Variants in PBRM1 observed in about 807,000 individuals in gnomAD.
The protein encoded by PBRM1 is protein polybromo-1.
Under a neutral mutation model 194.5 loss-of-function variants are expected in PBRM1, and 27 were observed. The ratio of observed to expected loss-of-function variants is 0.14; its 90% CI spans 0.10 to 0.19. PBRM1 has a LOEUF of 0.19. Ranked by LOEUF, PBRM1 falls within the 10% of genes least tolerant of loss-of-function variation. The pLI, the probability that PBRM1 is intolerant of heterozygous loss-of-function variation, is 1.00. For synonymous variants in PBRM1, 655 were observed against 693.2 expected (o/e 0.94, Z 0.87); for missense variants, 1,466 against 2,077.2 (o/e 0.71, Z 5.72).
At chr3:52,553,792 G>T (rs1473728889) in intron 27 of PBRM1, among the ~76,000 whole-genome samples, 1 of 151,650 alleles carries the variant, frequency 6.6e-6, no homozygotes, top group East Asian at 1.9e-4. Context: ...CTCTCGAGTA[G>T]CTGGGACTAC....
At chr3:52,675,559 G>GA (rs1433100111) in intron 2 of PBRM1, among the ~76,000 whole-genome samples, 1 of 152,226 alleles carries the variant, frequency 6.6e-6, no homozygotes, top group Non-Finnish European at 1.5e-5. Flanking sequence ...TTGAAGTGGT[G>GA]AAAGTGGGCA....
intron 22 of PBRM1, among the ~76,000 whole-genome samples, chr3:52,571,468 TACAA>T: frequency 6.8e-6 from 1 of 147,180 alleles, no homozygotes; most frequent in East Asian, 2.0e-4. Flanking sequence ...TCTACTAAAA[TACAA>T]ACAATTATCC....
intron 2 of PBRM1, among the ~76,000 whole-genome samples, chr3:52,674,892 C>T (rs1270346915): frequency 7.3e-5 from 11 of 150,524 alleles, no homozygotes; most frequent in Non-Finnish European, 1.0e-4. Context: ...TGCTTGAGTC[C>T]GGGAGGTTGA....
chr3:52,639,995 G>C (rs1445438561), intron 10 of PBRM1, among the ~76,000 whole-genome samples: 2 of 152,146 alleles, frequency 1.3e-5, no homozygotes, highest in South Asian at 2.1e-4. Context: ...TGAGAGAAGA[G>C]GGCTTCCAGA....
chr3:52,546,510 A>G (rs570526599), downstream of PBRM1: 5 of 229,860 alleles, frequency 2.2e-5, no homozygotes, highest in South Asian at 7.3e-4. Context: ...TTTCCATTCT[A>G]CACTCTTTTG....
intron 20 of PBRM1, among the ~76,000 whole-genome samples, chr3:52,584,784 C>G (rs2092098007): frequency 6.6e-6 from 1 of 152,106 alleles, no homozygotes; most frequent in Non-Finnish European, 1.5e-5. Context: ...AATATTTTTA[C>G]TGCTTTTGTT....
chr3:52,606,769 C>T (rs923154404), intron 16 of PBRM1, among the ~76,000 whole-genome samples: 16 of 152,288 alleles, frequency 1.1e-4, no homozygotes, highest in African/African-American at 3.4e-4. Flanking sequence ...GTTCATCTTC[C>T]CACAGGTCTC....
intron 2 of PBRM1, among the ~76,000 whole-genome samples, chr3:52,675,933 G>A (rs370312667): frequency 1.6e-5 from 1 of 61,494 alleles, no homozygotes. Context: ...GGCTAAAATG[G>A]TGAAACCCCG....
intron 17 of PBRM1, among the ~76,000 whole-genome samples, chr3:52,595,496 T>G (rs1368924644): frequency 6.6e-6 from 1 of 152,260 alleles, no homozygotes; most frequent in African/African-American, 2.4e-5. Flanking sequence ...AAATGTATAT[T>G]CAGGTCTTTC....
chr3:52,554,622 T>A, intron 27 of PBRM1, 102 bp downstream of exon 29: 2 of 1,008,888 alleles, frequency 2.0e-6, no homozygotes, highest in Non-Finnish European at 2.8e-6. Flanking sequence ...AGGGAAGGCC[T>A]GGCCACAATG....
intron 6 of PBRM1, among the ~76,000 whole-genome samples, chr3:52,649,333 T>C (rs2096423634): frequency 1.3e-5 from 2 of 152,104 alleles, no homozygotes; most frequent in Non-Finnish European, 2.9e-5. Context: ...CAAGGGGAAA[T>C]AACCACAGGT....
chr3:52,589,236 A>G (rs541331897), exon 18 of PBRM1: 2 of 1,541,240 alleles, frequency 1.3e-6, no homozygotes, highest in South Asian at 2.5e-5. Context: ...CACCAGAGGA[A>G]TCTTCACTCT....
intron 15 of PBRM1, among the ~76,000 whole-genome samples, chr3:52,614,901 C>T (rs1292144806): frequency 1.3e-5 from 2 of 152,112 alleles, no homozygotes; most frequent in Non-Finnish European, 2.9e-5. Context: ...AAACAACCAA[C>T]CACAGACTAC....
At chr3:52,601,523 G>A (rs941152000) in intron 17 of PBRM1, among the ~76,000 whole-genome samples, 5 of 152,114 alleles carry the variant, frequency 3.3e-5, no homozygotes, top group Non-Finnish European at 7.3e-5. Context: ...GCGGAGCTCA[G>A]GGGGTAATGT....
intron 15 of PBRM1, among the ~76,000 whole-genome samples, chr3:52,612,135 C>T (rs921742638): frequency 2.0e-5 from 3 of 151,586 alleles, no homozygotes; most frequent in African/African-American, 7.3e-5. Context: ...TGGTGCACAC[C>T]TGTAGTCCCA....
chr3:52,678,673 T>C (rs1418935685), intron 1 of PBRM1, 76 bp from the exon 3 acceptor site: 5 of 869,038 alleles, frequency 5.8e-6, no homozygotes, highest in Non-Finnish European at 7.4e-6. Flanking sequence ...AATTATTTTC[T>C]ACTCTTCAAT....
At position 52,609,918 on chromosome 3, in the gene PBRM1, G is replaced by A. The variant is rs1216813697; in HGVS notation, c.1962C>T (p.Tyr654=). 2.6e-6 allele frequency: 4 copies of A among 1,529,028 alleles called. No homozygotes were observed. The African/African-American group carries it at 5.6e-5, about 21-fold the overall frequency. 94.7% of individuals were successfully genotyped at this position (1,529,028 alleles called of 1,614,324 possible). Reference sequence around the variant, plus strand: ...TTAGTTTCTGCTGCATTGGAGTCATGTATTTTGATTTTTTAGGAGAAATGC... The same window carrying A: ...TTAGTTTCTGCTGCATTGGAGTCATATATTTTGATTTTTTAGGAGAAATGC... The change falls in exon 16 of 30, where the codon TAC becomes TAT. Residue 654 remains tyrosine, a synonymous_variant. Coordinates refer to ENST00000296302, the Ensembl canonical transcript of PBRM1. This position sits in a 1 kb window ranked among gnomAD's most constrained non-coding sequence, Gnocchi z 4.1.
intron 9 of PBRM1, among the ~76,000 whole-genome samples, chr3:52,642,807 G>A (rs1303104928): frequency 6.8e-6 from 1 of 146,418 alleles, no homozygotes; most frequent in Non-Finnish European, 1.5e-5. Flanking sequence ...TTTTTTTTGA[G>A]ATGGAGTTTC....
At chr3:52,668,686 G>T (rs762521587) in intron 2 of PBRM1, 41 bp from the exon 4 acceptor site, 96 of 1,255,758 alleles carry the variant, frequency 7.6e-5, no homozygotes, top group Non-Finnish European at 9.9e-5. Context: ...TTAATCTGAA[G>T]CTTACAAAAA....
Sources: allele counts gnomAD v4.1 joint callset (sites outside exome capture counted in the v4.1 genomes callset), GRCh38; gene constraint gnomAD v4.1.1; non-coding constraint Gnocchi (gnomAD v3.1); transcripts MANE v1.5; gene names NCBI Gene and HGNC (gene_info 2026-07-23, HGNC 2026-07-21).